The following MYLK3 variants were observed in gnomAD, a reference collection of about 807,000 sequenced individuals.
MYLK3 encodes myosin light chain kinase 3.
In MYLK3, 55 loss-of-function variants were observed where a neutral mutation model predicts 76.3. The ratio of observed to expected loss-of-function variants is 0.72; its 90% CI spans 0.58 to 0.90. The LOEUF is 0.90. Among genes scored for constraint, MYLK3 ranks in the 40% least tolerant of loss-of-function variants. MYLK3 has a pLI of 0.00. For synonymous variants in MYLK3, 416 were observed against 425.4 expected (o/e 0.98, Z 0.27); for missense variants, 973 against 1,053.6 (o/e 0.92, Z 1.06).
intron 1 of MYLK3, among the ~76,000 whole-genome samples, chr16:46,758,298 ACACACACTCTCTCTCTCT>A (rs1200885965): frequency 2.3e-4 from 13 of 56,228 alleles, no homozygotes; most frequent in African/African-American, 1.0e-3. Context: ...ACACACACAC[ACACACACTCTCTCTCTCT>A]CTCTCTCTCT....
intron 11 of MYLK3, among the ~76,000 whole-genome samples, chr16:46,710,433 A>T (rs577103599): frequency 6.6e-6 from 1 of 152,346 alleles, no homozygotes; most frequent in South Asian, 2.1e-4. Flanking sequence ...ACTATATTTT[A>T]TGCCCCTACT....
chr16:46,725,476 A>G (rs1966839111), intron 8 of MYLK3, among the ~76,000 whole-genome samples: 1 of 152,158 alleles, frequency 6.6e-6, no homozygotes, highest in Non-Finnish European at 1.5e-5. Context: ...TATTATTTTC[A>G]TCATGAAAAG....
rs533916196 is a variant in MYLK3 at position 46,710,923 on chromosome 16, T to C, written c.2115-134A>G. 73 of 954,398 alleles carry C rather than the reference T, an allele frequency of 7.6e-5. 1 individual carries two copies. The African/African-American group carries it at 9.6e-4, about 13-fold the overall frequency. 59.1% of individuals were successfully genotyped at this position (954,398 alleles called of 1,614,324 possible). ...GGGTTCAAAATAAAAGCACCTCCACTACTTCTCCACAGGATGGAGTCCAGT... is the reference window on the plus strand; with the variant it reads ...GGGTTCAAAATAAAAGCACCTCCACCACTTCTCCACAGGATGGAGTCCAGT... On this transcript the variant is annotated intron_variant, in intron 10 of 12. Coordinates refer to ENST00000394809, the MANE Select transcript of MYLK3 (RefSeq NM_182493.3).
intron 12 of MYLK3, among the ~76,000 whole-genome samples, chr16:46,708,144 T>C (rs1966646238): frequency 6.6e-6 from 1 of 152,064 alleles, no homozygotes. Context: ...TAGCTGGGAC[T>C]ACAGGCAACC....
chr16:46,757,444 G>C, intron 1 of MYLK3: 2 of 985,426 alleles, frequency 2.0e-6, no homozygotes, highest in Non-Finnish European at 2.4e-6. Flanking sequence ...GGTGTAACCC[G>C]ACGCCCGCTG....
chr16:46,746,576 A>G (rs958311597), intron 1 of MYLK3, among the ~76,000 whole-genome samples: 4 of 152,034 alleles, frequency 2.6e-5, no homozygotes, highest in Non-Finnish European at 4.4e-5. Context: ...TTGTGCCACA[A>G]TGCCTGGTAA....
rs570403495 is a variant in MYLK3 at position 46,747,976 on chromosome 16, G to A, written c.218C>T (p.Pro73Leu). Residue 73 changes from proline (P) to leucine (L), a missense_variant, in exon 1 of 13, where the codon CCG (proline) becomes CTG (leucine). Pro to Leu is a moderately conservative substitution (Grantham distance 98, BLOSUM62 -3). Coordinates refer to ENST00000394809, the MANE Select transcript of MYLK3 (RefSeq NM_182493.3). ...AACCCCATCAGCCCCGCCCGGGCCC[G>A]GTGCCCGGGAGGCCTCCAGCCTGTG... ...GLHRLEASRA[P>L]GPGGADGVPH... 1.7e-4 allele frequency: 274 copies of A among 1,613,080 alleles called. No homozygotes were observed. In the South Asian group the frequency reaches 2.1e-3, roughly 12 times the overall value.
intron 4 of MYLK3, among the ~76,000 whole-genome samples, chr16:46,731,848 T>C (rs1266818052): frequency 6.6e-6 from 1 of 152,136 alleles, no homozygotes; most frequent in African/African-American, 2.4e-5. Context: ...CCCAAAGCTC[T>C]GGGAGGCCGA....
intron 10 of MYLK3, among the ~76,000 whole-genome samples, chr16:46,711,385 A>G (rs1048907654): frequency 1.3e-5 from 2 of 152,318 alleles, no homozygotes; most frequent in African/African-American, 2.4e-5. Flanking sequence ...GGAAGCAGCC[A>G]CGGGAAGTCC....
In MYLK3 at chr16:46,705,946, G is replaced by A. The variant is rs190712424; in HGVS notation, c.*1758C>T. 115 of 153,070 alleles carry A rather than the reference G, an allele frequency of 7.5e-4. No individual in the cohort carries two copies. The highest frequency in any genetic ancestry group is 2.0e-3 in the African/African-American group (81 of 41,440). The allele number at this position is 153,070 out of a possible 1,614,324, so 9.5% of individuals were successfully genotyped here. ...AGATCACACCACTGCACTGCAGCCT[G>A]GGCAACAGAGTGAGACCCTGTCTCA... On this transcript the variant is annotated 3_prime_UTR_variant, in exon 13 of 13. Transcript: ENST00000394809.
chr16:46,714,515 C>G (rs1017227240), intron 9 of MYLK3, among the ~76,000 whole-genome samples: 5 of 152,174 alleles, frequency 3.3e-5, no homozygotes, highest in Admixed American at 6.5e-5. Flanking sequence ...CCTGTCCCTC[C>G]CCTGCCCAGC....
intron 9 of MYLK3, among the ~76,000 whole-genome samples, chr16:46,718,330 A>AT (rs1416985923): frequency 1.3e-5 from 2 of 152,028 alleles, no homozygotes; most frequent in Non-Finnish European, 2.9e-5. Context: ...ATTGAATGTG[A>AT]TTTTTTTTCT....
At chr16:46,734,542 AC>A (rs1249561939) in intron 3 of MYLK3, among the ~76,000 whole-genome samples, 1 of 151,990 alleles carries the variant, frequency 6.6e-6, no homozygotes, top group Non-Finnish European at 1.5e-5. Flanking sequence ...AATCGCTTGA[AC>A]CCAGGAGGTG....
In MYLK3 at chr16:46,738,103, C is replaced by T; in HGVS notation, c.609G>A (p.Arg203=). The stretch of plus-strand genomic sequence containing the variant: ...GCCCTGACGCTCTGATGGGGGGCAG[C>T]CTCTCCGCTGTCCCCTCCAGCACGT... ...KADVLEGTAE[R]LPPIRASGLG... The change falls in exon 3 of 13, where the codon AGG becomes AGA. Residue 203 remains arginine (R), a synonymous_variant. Coordinates refer to ENST00000394809, the MANE Select transcript of MYLK3 (RefSeq NM_182493.3). The T allele has an allele frequency of 1.3e-6, 2 of 1,583,988 alleles. No homozygotes were observed. Among genetic ancestry groups the T allele is most frequent in the South Asian group, 2.3e-5 (2 of 88,706 alleles).
In MYLK3 at chr16:46,730,584, C is replaced by T. The variant is rs1270550588; in HGVS notation, c.1568+9G>A. Reference sequence around the variant, plus strand: ...CTAAGCCCCCCAACCAAGGCAGATGCCCACCTACCCTCCCAAGACTTCGTG... The same window carrying T: ...CTAAGCCCCCCAACCAAGGCAGATGTCCACCTACCCTCCCAAGACTTCGTG... On this transcript the variant is annotated intron_variant, in intron 5 of 12. Transcript: ENST00000394809. 1 of 1,612,484 alleles carries T rather than the reference C, an allele frequency of 6.2e-7. No individual in the cohort carries two copies. Among genetic ancestry groups the T allele is most frequent in the Non-Finnish European group, 8.5e-7 (1 of 1,178,674 alleles).
At chr16:46,745,917 G>A (rs947926401) in intron 1 of MYLK3, among the ~76,000 whole-genome samples, 2 of 152,174 alleles carry the variant, frequency 1.3e-5, no homozygotes, top group Admixed American at 6.5e-5. Context: ...TGCCTAGGGG[G>A]CCAGGGTATT....
At chr16:46,745,362 C>A (rs149352124) in intron 1 of MYLK3, among the ~76,000 whole-genome samples, 85 of 152,248 alleles carry the variant, frequency 5.6e-4, no homozygotes, top group African/African-American at 1.9e-3. Context: ...ATATTCATAA[C>A]GATATGAACA....
chr16:46,740,659 C>T (rs542125895), intron 1 of MYLK3, among the ~76,000 whole-genome samples: 5 of 151,520 alleles, frequency 3.3e-5, no homozygotes, highest in African/African-American at 4.8e-5. Context: ...TCAAACGACC[C>T]TCCCAGTTCA....
chr16:46,747,803 T>C lies in MYLK3; in HGVS notation c.391A>G (p.Thr131Ala), dbSNP rs1967055171. Reference protein sequence around the residue: ...VDRAIALVGATFQKSKVADFL... With the variant: ...VDRAIALVGAAFQKSKVADFL... ...TCCGCCACCTTTGATTTCTGGAACG[T>C]GGCCCCCACCAAAGCGATGGCCCTG... The change falls in exon 1 of 13, where the codon ACG (threonine) becomes GCG (alanine). Residue 131 changes from threonine to alanine, a missense_variant. Around this residue, in one of 2 missense-constraint regions of MYLK3, gnomAD observed 641 missense variants for 637.0 expected, o/e 1.01. Transcript: ENST00000394809. The C allele has an allele frequency of 1.9e-6, 3 of 1,614,096 alleles. No individual in the cohort carries two copies. Among genetic ancestry groups the C allele is most frequent in the African/African-American group, 1.3e-5 (1 of 74,952 alleles).
Sources: gnomAD v4.1 joint callset for allele counts (sites outside exome capture counted in the v4.1 genomes callset) on GRCh38, gnomAD v4.1.1 for gene constraint, gnomAD v4.1.1 regional missense constraint, MANE v1.5 for transcripts, NCBI Gene and HGNC (gene_info 2026-07-23, HGNC 2026-07-21) for gene names.